The following AFAP1L1 variants were observed in gnomAD, a reference collection of about 807,000 sequenced individuals.
AFAP1L1 encodes the protein actin filament associated protein 1 like 1.
In AFAP1L1, 77 loss-of-function variants were observed where a neutral mutation model predicts 99.8. The observed-to-expected ratio is 0.77, with a 90% CI of 0.64 to 0.93. The LOEUF is 0.93. AFAP1L1 is among the 40% of genes least tolerant of loss of function. AFAP1L1 has a pLI of 0.00. For missense variants in AFAP1L1, 893 were observed against 996.8 expected, an observed-to-expected ratio of 0.90 and a Z score of 1.40; for synonymous variants, 373 against 395.3, an observed-to-expected ratio of 0.94 and a Z score of 0.67.
intron 17 of AFAP1L1, 105 bp from the exon 18 acceptor site, chr5:149,335,489 T>A (rs1757380777): frequency 1.4e-6 from 2 of 1,406,902 alleles, no homozygotes; most frequent in African/African-American, 2.9e-5. Flanking sequence ...GTCTCAAAAA[T>A]AAAAATAAAA....
At chr5:149,311,591 C>A (rs1756632524) in intron 8 of AFAP1L1, among the ~76,000 whole-genome samples, 1 of 152,240 alleles carries the variant, frequency 6.6e-6, no homozygotes, top group South Asian at 2.1e-4. Flanking sequence ...TCCCTGATCT[C>A]ATGCTTATTG....
rs1756575378 is a variant in AFAP1L1, at chr5:149,310,080, C to T, written c.872C>T (p.Thr291Ile). The T allele has an allele frequency of 3.1e-6, 5 of 1,613,920 alleles. No individual in the cohort carries two copies. The highest frequency in any genetic ancestry group is 4.2e-6 in the Non-Finnish European group (5 of 1,179,904). The change falls in exon 8 of 19, where the codon ACC becomes ATC. Residue 291 changes from threonine to isoleucine, a missense_variant. Transcript: ENST00000296721. ...RHELRFTQGA[T>I]EVLVLALQSR... ...GAGCTGCGTTTCACCCAGGGGGCTA[C>T]CGAGGTCTTGGTGCTGGCACTGCAG... is the stretch of plus-strand genomic sequence containing the variant.
chr5:149,331,668 C>G (rs1473947591), intron 16 of AFAP1L1, among the ~76,000 whole-genome samples: 1 of 152,024 alleles, frequency 6.6e-6, no homozygotes, highest in African/African-American at 2.4e-5. Flanking sequence ...ACTGAAAACT[C>G]TGGTGTCTGT....
chr5:149,329,880 T>C (rs1380529793), intron 16 of AFAP1L1, 50 bp downstream of exon 16: 2 of 1,507,344 alleles, frequency 1.3e-6, no homozygotes, highest in Admixed American at 2.3e-5. Flanking sequence ...CAGCTCATCC[T>C]TGGGTACAGT....
chr5:149,313,930 G>A (rs1364868645), intron 9 of AFAP1L1, among the ~76,000 whole-genome samples: 4 of 152,332 alleles, frequency 2.6e-5, no homozygotes, highest in Non-Finnish European at 4.4e-5. Context: ...AACTGAAAAC[G>A]GCCAGTATGG....
At chr5:149,295,626 G>C (rs1755992134) in intron 1 of AFAP1L1, among the ~76,000 whole-genome samples, 1 of 151,870 alleles carries the variant, frequency 6.6e-6, no homozygotes, top group Non-Finnish European at 1.5e-5. Context: ...AGGAAGGGAG[G>C]GAAGTGGGGA....
chr5:149,330,252 G>C (rs775969545), intron 16 of AFAP1L1, among the ~76,000 whole-genome samples: 7 of 152,190 alleles, frequency 4.6e-5, no homozygotes, highest in Non-Finnish European at 1.0e-4. Flanking sequence ...CACTTTCCCA[G>C]GATCCTCTTC....
In AFAP1L1 at chr5:149,329,884, G is replaced by C. The variant is rs576832004; in HGVS notation, c.1975+54G>C. The C allele has an allele frequency of 4.1e-5, 61 of 1,493,348 alleles. No homozygotes were observed. The African/African-American group carries it at 7.9e-4, about 19-fold the overall frequency. The allele number at this position is 1,493,348 out of a possible 1,614,324, so 92.5% of individuals were successfully genotyped here. Reference sequence around the variant, plus strand: ...CTATGGGTGGCCAGCTCATCCTTGGGTACAGTAAAGGGAGGTCTCTTGCAC... The same window carrying C: ...CTATGGGTGGCCAGCTCATCCTTGGCTACAGTAAAGGGAGGTCTCTTGCAC... On this transcript the variant is annotated intron_variant, in intron 16 of 18. Coordinates refer to ENST00000296721, the MANE Select transcript of AFAP1L1 (RefSeq NM_152406.4).
At chr5:149,285,445 G>A (rs147988489) in intron 1 of AFAP1L1, among the ~76,000 whole-genome samples, 59 of 152,310 alleles carry the variant, frequency 3.9e-4, no homozygotes, top group African/African-American at 1.4e-3. Flanking sequence ...TTTGAGGTAA[G>A]CACTGTTATT....
chr5:149,312,052 C>A, intron 8 of AFAP1L1, 60 bp from the exon 9 acceptor site: 2 of 1,494,990 alleles, frequency 1.3e-6, no homozygotes, highest in South Asian at 1.2e-5. Context: ...AGTCCCCATT[C>A]TTCCTTTGCA....
rs56036411 is a variant in AFAP1L1 at position 149,305,878 on chromosome 5, C to CCACA, written c.437-388_437-385dup. ...AAAAATCAGAGCTGCGACCAACACA[C>CCACA]CACACACACACACACACACACACAC... is the stretch of plus-strand genomic sequence containing the variant. On this transcript the variant is annotated intron_variant, in intron 5 of 18. Transcript: ENST00000296721. 4.5e-3 allele frequency among the ~76,000 whole-genome samples: 646 copies of CCACA among 142,558 alleles called. 5 individuals are homozygous for CCACA. Among genetic ancestry groups the CCACA allele is most frequent in the East Asian group, 0.023 (110 of 4,702 alleles). The allele number at this position is 142,558 out of a possible 152,430, so 93.5% of individuals were successfully genotyped here.
chr5:149,282,447 A>G (rs11953336), intron 1 of AFAP1L1, among the ~76,000 whole-genome samples: 2,496 of 152,262 alleles, frequency 0.016, 85 homozygotes, highest in African/African-American at 0.057. Flanking sequence ...GCCGGGAGAT[A>G]AGGATCCTAA....
In AFAP1L1 at chr5:149,300,315, T is replaced by G. The variant is rs770639664; in HGVS notation, c.190T>G (p.Ser64Ala). The change falls in exon 3 of 19, where the codon TCG becomes GCG. Residue 64 changes from serine (S) to alanine (A), a missense_variant. By Grantham distance (99) the Ser-to-Ala change is moderately conservative. Transcript: ENST00000296721. ...GTATGTGAACACAGCAGACCTCCAC[T>G]CGGGGCCCAGCTTCGTGGAATCCCT... ...YLYVNTADLH[S>A]GPSFVESLFE... 25 of 1,613,464 alleles carry G rather than the reference T, an allele frequency of 1.5e-5. No individual in the cohort carries two copies. In the East Asian group the frequency reaches 5.3e-4, roughly 35 times the overall value.
chr5:149,282,524 C>T (rs1424994202), intron 1 of AFAP1L1, among the ~76,000 whole-genome samples: 1 of 152,182 alleles, frequency 6.6e-6, no homozygotes, highest in Non-Finnish European at 1.5e-5. Context: ...TATTAGAGTG[C>T]AGGGACCAGC....
In AFAP1L1 at chr5:149,341,981, G is replaced by A. The variant is rs1757571984; in HGVS notation, c.*1951G>A. ...TAAGTGTCTTTTCTCACCAACAGATGAACTCTCAGAGGAGTGGCTGGGGGT... is the reference window on the plus strand; with the variant it reads ...TAAGTGTCTTTTCTCACCAACAGATAAACTCTCAGAGGAGTGGCTGGGGGT... On this transcript the variant is annotated 3_prime_UTR_variant, in exon 19 of 19. Coordinates refer to ENST00000296721, the MANE Select transcript of AFAP1L1 (RefSeq NM_152406.4). Among the ~76,000 whole-genome samples, 1 of 152,118 alleles carries A rather than the reference G, an allele frequency of 6.6e-6. No individual in the cohort carries two copies. Among genetic ancestry groups the A allele is most frequent in the East Asian group, 1.9e-4 (1 of 5,192 alleles).
At chr5:149,326,469 G>A (rs1428830050) in intron 15 of AFAP1L1, among the ~76,000 whole-genome samples, 1 of 151,012 alleles carries the variant, frequency 6.6e-6, no homozygotes, top group Non-Finnish European at 1.5e-5. Context: ...AACCCAAGAG[G>A]CAGAGGTTGC....
rs565521235 is a variant in AFAP1L1 at position 149,281,778 on chromosome 5, A to G, written c.16+9794A>G. 1.8e-3 allele frequency among the ~76,000 whole-genome samples: 281 copies of G among 152,286 alleles called. 5 individuals are homozygous for G. In the South Asian group the frequency reaches 0.056, roughly 30 times the overall value. On this transcript the variant is annotated intron_variant, in intron 1 of 18. Transcript: ENST00000296721. ...TTGGAGGGTTATCTCCAGGTTAGATATACGAGGGACTTGCTAGTTAAGATG... is the reference window on the plus strand; with the variant it reads ...TTGGAGGGTTATCTCCAGGTTAGATGTACGAGGGACTTGCTAGTTAAGATG...
intron 1 of AFAP1L1, among the ~76,000 whole-genome samples, chr5:149,272,877 A>T (rs989834734): frequency 6.6e-6 from 1 of 151,938 alleles, no homozygotes; most frequent in Non-Finnish European, 1.5e-5. Flanking sequence ...TAATTTTTGT[A>T]TTTTTAACAG....
At chr5:149,290,915 A>C (rs1448275658) in intron 1 of AFAP1L1, among the ~76,000 whole-genome samples, 4 of 152,274 alleles carry the variant, frequency 2.6e-5, no homozygotes, top group Non-Finnish European at 5.9e-5. Context: ...CAAAGCTGGC[A>C]ATGTTCGTGC....
Sources: allele counts gnomAD v4.1 joint callset (sites outside exome capture counted in the v4.1 genomes callset), GRCh38; gene constraint gnomAD v4.1.1; transcripts MANE v1.5; gene names NCBI Gene and HGNC (gene_info 2026-07-23, HGNC 2026-07-21).